The following TMC7 variants were observed in gnomAD, a reference collection of about 807,000 sequenced individuals.
TMC7 encodes the protein transmembrane channel like 7.
Under a neutral mutation model 82.9 loss-of-function variants are expected in TMC7, and 54 were observed. The observed-to-expected ratio is 0.65, with a 90% CI of 0.52 to 0.82. TMC7 has a LOEUF of 0.82. Among genes scored for constraint, TMC7 ranks in the 40% least tolerant of loss-of-function variants. TMC7 has a pLI of 0.00. For synonymous variants in TMC7, 350 were observed against 337.9 expected (o/e 1.04, Z -0.39); for missense variants, 820 against 901.2 (o/e 0.91, Z 1.15).
intron 1 of TMC7, among the ~76,000 whole-genome samples, chr16:18,991,569 T>A (rs778197626): frequency 3.3e-5 from 5 of 152,122 alleles, no homozygotes; most frequent in Non-Finnish European, 7.4e-5. Context: ...ATTGTTTCTT[T>A]TTTATTTATT....
intron 1 of TMC7, among the ~76,000 whole-genome samples, chr16:18,989,039 T>C (rs1393266274): frequency 2.1e-5 from 3 of 142,844 alleles, no homozygotes; most frequent in Non-Finnish European, 3.0e-5. Context: ...GGCAACAGAG[T>C]GAGACTCTGT....
intron 15 of TMC7, chr16:19,059,872 G>A (rs919322778): frequency 4.1e-5 from 21 of 510,004 alleles, no homozygotes; most frequent in African/African-American, 3.7e-4. Flanking sequence ...AGCTACTTGG[G>A]AGGCTGAGGC....
chr16:19,032,350 C>T (rs1960555782), intron 6 of TMC7, among the ~76,000 whole-genome samples: 1 of 152,028 alleles, frequency 6.6e-6, no homozygotes, highest in African/African-American at 2.4e-5. Context: ...CATCCCCCAC[C>T]CAAGTGTACT....
At chr16:19,030,578 CTTTTTTT>C (rs572433772) in intron 6 of TMC7, among the ~76,000 whole-genome samples, 5 of 135,418 alleles carry the variant, frequency 3.7e-5, no homozygotes, top group African/African-American at 1.4e-4. Context: ...TGAGGTTCTT[CTTTTTTT>C]TTTTTTTTTT....
At chr16:19,046,937 A>G (rs1388583975) in intron 11 of TMC7, 126 bp from the exon 12 acceptor site, 7 of 757,948 alleles carry the variant, frequency 9.2e-6, no homozygotes, top group Admixed American at 5.4e-5. Context: ...TATATTCTGC[A>G]TCTTTAAGAC....
intron 6 of TMC7, among the ~76,000 whole-genome samples, chr16:19,032,781 C>G (rs1247252224): frequency 6.6e-6 from 1 of 152,106 alleles, no homozygotes; most frequent in East Asian, 1.9e-4. Flanking sequence ...GTGCACGCCA[C>G]CACGACTGGC....
chr16:19,025,400 C>T (rs909161067), intron 5 of TMC7, among the ~76,000 whole-genome samples: 5 of 152,094 alleles, frequency 3.3e-5, no homozygotes, highest in Admixed American at 3.3e-4. Context: ...GGGCAGATCA[C>T]CTGAGGTCAG....
chr16:19,040,197 C>T (rs866476386), intron 8 of TMC7, 92 bp from the exon 9 acceptor site: 31 of 1,109,966 alleles, frequency 2.8e-5, no homozygotes, highest in Middle Eastern at 3.1e-4. Flanking sequence ...TTTGTTTGCC[C>T]AACACACATA....
At chr16:18,997,515 GC>G (rs373607638) in intron 1 of TMC7, among the ~76,000 whole-genome samples, 65 of 150,498 alleles carry the variant, frequency 4.3e-4, no homozygotes, top group African/African-American at 1.6e-3. Flanking sequence ...GATTACAGGC[GC>G]CCACCACCAC....
At chr16:19,001,444 G>A (rs1246272193) in intron 1 of TMC7, among the ~76,000 whole-genome samples, 1 of 152,326 alleles carries the variant, frequency 6.6e-6, no homozygotes, top group East Asian at 1.9e-4. Context: ...ACTTTGGGAG[G>A]CTGAGGTGGG....
intron 8 of TMC7, among the ~76,000 whole-genome samples, chr16:19,039,092 CTTT>C (rs376747652): frequency 2.3e-5 from 3 of 130,426 alleles, no homozygotes; most frequent in Non-Finnish European, 3.2e-5. Flanking sequence ...TTTCTTTTTT[CTTT>C]TTTTTTTTTT....
At chr16:18,998,267 T>C (rs2039078818) in intron 1 of TMC7, among the ~76,000 whole-genome samples, 1 of 152,152 alleles carries the variant, frequency 6.6e-6, no homozygotes, top group Non-Finnish European at 1.5e-5. Flanking sequence ...ATTTTATAGG[T>C]GGGAAAACCA....
At chr16:18,992,900 A>G (rs2038977213) in intron 1 of TMC7, among the ~76,000 whole-genome samples, 1 of 152,160 alleles carries the variant, frequency 6.6e-6, no homozygotes. Context: ...CAAAGATCAG[A>G]TGGTTGTAGA....
At chr16:19,043,853 T>C (rs947530684) in intron 9 of TMC7, among the ~76,000 whole-genome samples, 1 of 152,102 alleles carries the variant, frequency 6.6e-6, no homozygotes, top group East Asian at 1.9e-4. Flanking sequence ...ATTACAGGCG[T>C]GAGCCACCGC....
Position 19,016,496 on chromosome 16 carries a change from T to C in TMC7, c.358T>C (p.Trp120Arg). The change falls in exon 3 of 16, where the codon TGG (tryptophan) becomes CGG (arginine). Residue 120 changes from tryptophan (W) to arginine (R), a missense_variant. Trp to Arg is a moderately radical substitution (Grantham distance 101). Transcript: ENST00000304381. ...GAAGTATCTCTCCGAATGGGACCAG[T>C]GGAAGCGGTATAGCAGCAAGTCTTG... ...QMKYLSEWDQ[W>R]KRYSSKSWKR... is the part of the protein sequence containing the mutation. The C allele has an allele frequency of 1.2e-6, 2 of 1,614,196 alleles. No homozygotes were observed. The highest frequency in any genetic ancestry group is 1.7e-6 in the Non-Finnish European group (2 of 1,180,040).
chr16:19,001,925 C>A (rs541331470), intron 1 of TMC7, among the ~76,000 whole-genome samples: 9 of 152,282 alleles, frequency 5.9e-5, no homozygotes, highest in Middle Eastern at 3.4e-3. Context: ...ATCCAGTGAC[C>A]TACAAGGTCC....
chr16:18,996,922 C>T (rs1473389710), intron 1 of TMC7, among the ~76,000 whole-genome samples: 5 of 152,200 alleles, frequency 3.3e-5, no homozygotes, highest in East Asian at 1.9e-4. Flanking sequence ...CCATGACTAG[C>T]GCCGGAGTTT....
intron 1 of TMC7, among the ~76,000 whole-genome samples, chr16:19,004,805 T>G (rs1310916510): frequency 1.1e-4 from 17 of 152,154 alleles, no homozygotes; most frequent in Non-Finnish European, 2.5e-4. Flanking sequence ...CAAGCAACAC[T>G]TACTAATTGT....
chr16:19,038,112 C>A, intron 8 of TMC7, 65 bp downstream of exon 8: 2 of 1,468,508 alleles, frequency 1.4e-6, no homozygotes, highest in South Asian at 1.3e-5. Flanking sequence ...GAGGTAGATA[C>A]CATCGTCATT....
Sources: allele counts gnomAD v4.1 joint callset (sites outside exome capture counted in the v4.1 genomes callset), GRCh38; gene constraint gnomAD v4.1.1; transcripts MANE v1.5; gene names NCBI Gene and HGNC (gene_info 2026-07-23, HGNC 2026-07-21).